The following PEX14 variants were observed in gnomAD, a reference collection of about 807,000 sequenced individuals.
PEX14 encodes peroxisomal biogenesis factor 14.
Under a neutral mutation model 49.5 loss-of-function variants are expected in PEX14, and 15 were observed. That is an observed-to-expected ratio of 0.30 (90% CI 0.20 to 0.47). The LOEUF is 0.47. PEX14 is among the 20% of genes least tolerant of loss of function. PEX14 has a pLI of 1.00. For synonymous variants in PEX14, 210 were observed against 212.7 expected (o/e 0.99, Z 0.11); for missense variants, 398 against 494.8 (o/e 0.80, Z 1.86).
intron 1 of PEX14, among the ~76,000 whole-genome samples, chr1:10,482,744 C>T (rs1375421064): frequency 6.6e-6 from 1 of 152,154 alleles, no homozygotes; most frequent in African/African-American, 2.4e-5. Context: ...AGCCATTCTA[C>T]TTTTAATGGA....
rs1415903462 is a variant in PEX14, at chr1:10,500,076, ATT to A, written c.84+4758_84+4759del. ...CCAGAGGCTGGTAATCAGAAGGCGT[ATT>A]TTGATGGATTCAGGGAGCCAGTACT... On this transcript the variant is annotated intron_variant, in intron 2 of 8. Transcript: ENST00000356607. 2.6e-5 allele frequency among the ~76,000 whole-genome samples: 4 copies of A among 151,976 alleles called. No individual in the cohort carries two copies. In the East Asian group the frequency reaches 7.8e-4, roughly 29 times the overall value.
At chr1:10,619,870 C>G (rs1487191880) in intron 5 of PEX14, among the ~76,000 whole-genome samples, 2 of 152,120 alleles carry the variant, frequency 1.3e-5, no homozygotes, top group Non-Finnish European at 2.9e-5. Context: ...CTTTGGGAGG[C>G]TGAGGCTGAG....
rs1163776036 is a variant in PEX14, at chr1:10,577,595, T to A, written c.170-21643T>A. On this transcript the variant is annotated intron_variant, in intron 3 of 8. Transcript: ENST00000356607. ...TTTTTTTTTTTTTTTTTTTTTTTTTTTTTTTTTTTTTTTTTGGACAGAGTC... is the reference window on the plus strand; with the variant it reads ...TTTTTTTTTTTTTTTTTTTTTTTTTATTTTTTTTTTTTTTTGGACAGAGTC... Among the ~76,000 whole-genome samples the A allele has an allele frequency of 5.1e-5, 2 of 39,318 alleles. 1 individual carries two copies. The highest frequency in any genetic ancestry group is 2.2e-4 in the African/African-American group (2 of 9,118). The allele number at this position is 39,318 out of a possible 152,430, so 25.8% of individuals were successfully genotyped here. A position where few individuals can be genotyped will look rare whatever the true frequency, so the allele number is the denominator to read the frequency against.
At chr1:10,584,143 T>G (rs901794448) in intron 3 of PEX14, among the ~76,000 whole-genome samples, 7 of 152,218 alleles carry the variant, frequency 4.6e-5, no homozygotes, top group African/African-American at 7.2e-5. Flanking sequence ...TCCAATAGAA[T>G]AGCCTGATTT....
intron 3 of PEX14, among the ~76,000 whole-genome samples, chr1:10,551,747 T>C (rs1343854177): frequency 2.6e-5 from 4 of 152,206 alleles, no homozygotes; most frequent in Non-Finnish European, 1.5e-5. Flanking sequence ...TCTACTTCCC[T>C]TCCAACCAGT....
chr1:10,487,038 C>T (rs1641381715), intron 1 of PEX14, among the ~76,000 whole-genome samples: 1 of 151,966 alleles, frequency 6.6e-6, no homozygotes, highest in Admixed American at 6.6e-5. Context: ...TTGTCAGGTG[C>T]TCTTTTTTGT....
chr1:10,495,459 G>T lies in PEX14; in HGVS notation c.84+138G>T, dbSNP rs1641542781. 1.4e-6 allele frequency: 1 copy of T among 729,406 alleles called. No homozygotes were observed. The highest frequency in any genetic ancestry group is 1.7e-5 in the African/African-American group (1 of 57,560). 45.2% of individuals were successfully genotyped at this position (729,406 alleles called of 1,614,324 possible). A position where few individuals can be genotyped will look rare whatever the true frequency, so the allele number is the denominator to read the frequency against. ...TGTTACCTAGAGACTGCCTCTGTCA[G>T]TGACCTCTGACTTCTCTTCTCGCGT... On this transcript the variant is annotated intron_variant, in intron 2 of 8. Transcript: ENST00000356607. The surrounding 1 kb of genome is among the most constrained non-coding windows in gnomAD (Gnocchi z 4.2).
intron 2 of PEX14, among the ~76,000 whole-genome samples, chr1:10,496,120 C>T (rs1459049914): frequency 7.9e-5 from 12 of 152,280 alleles, no homozygotes; most frequent in Admixed American, 6.5e-5. Context: ...CTGGCAGTCG[C>T]GGGAGGAGAT....
chr1:10,597,527 C>A lies in PEX14; in HGVS notation c.170-1711C>A, dbSNP rs1640862931. Reference sequence around the variant, plus strand: ...AAGGTGAAATTATGGGTAAAGCAGTCCCTTTGCAGCAAGCACCCCCTCTCT... The same window carrying A: ...AAGGTGAAATTATGGGTAAAGCAGTACCTTTGCAGCAAGCACCCCCTCTCT... On this transcript the variant is annotated intron_variant, in intron 3 of 8. Transcript: ENST00000356607. The surrounding 1 kb of genome is among the most constrained non-coding windows in gnomAD (Gnocchi z 5.7). Among the ~76,000 whole-genome samples, 1 of 152,172 alleles carries A rather than the reference C, an allele frequency of 6.6e-6. No individual in the cohort carries two copies. Among genetic ancestry groups the A allele is most frequent in the Non-Finnish European group, 1.5e-5 (1 of 68,042 alleles).
Position 10,514,196 on chromosome 1 carries a change from G to A in PEX14, c.84+18875G>A, listed in dbSNP as rs1053384619. Among the ~76,000 whole-genome samples the A allele has an allele frequency of 7.3e-5, 11 of 149,792 alleles. No homozygotes were observed. The highest frequency in any genetic ancestry group is 2.8e-4 in the African/African-American group (11 of 39,808). Reference sequence around the variant, plus strand: ...TGTGTGTGTGTGTGTGTGTGTGTGTGTGTATGGTGTTAGAAACGGCAGAGT... The same window carrying A: ...TGTGTGTGTGTGTGTGTGTGTGTGTATGTATGGTGTTAGAAACGGCAGAGT... On this transcript the variant is annotated intron_variant, in intron 2 of 8. Coordinates refer to ENST00000356607, the MANE Select transcript of PEX14 (RefSeq NM_004565.3). This position sits in a 1 kb window ranked among gnomAD's most constrained non-coding sequence, Gnocchi z 4.4.
chr1:10,547,444 A>C (rs778909140), intron 3 of PEX14, among the ~76,000 whole-genome samples: 4 of 152,106 alleles, frequency 2.6e-5, no homozygotes, highest in Non-Finnish European at 4.4e-5. Context: ...ATATGGCGCA[A>C]ATTATGGGTG....
chr1:10,629,858 C>T lies in PEX14; in HGVS notation c.1005C>T (p.Ser335=), dbSNP rs1446837471. The T allele has an allele frequency of 1.2e-6, 2 of 1,610,468 alleles. No individual in the cohort carries two copies. The highest frequency in any genetic ancestry group is 1.3e-5 in the African/African-American group (1 of 74,732). ...DEEDEEDDDV[S]HVDEEDCLGV... ...AGGATGAGGAGGATGATGATGTGAG[C>T]CATGTGGACGAGGAGGACTGCCTGG... The change falls in exon 9 of 9, where the codon AGC becomes AGT. Residue 335 remains serine, a synonymous_variant. Coordinates refer to ENST00000356607, the MANE Select transcript of PEX14 (RefSeq NM_004565.3). This position sits in a 1 kb window ranked among gnomAD's most constrained non-coding sequence, Gnocchi z 8.5.
chr1:10,541,793 A>G (rs1188444745), intron 3 of PEX14, among the ~76,000 whole-genome samples: 1 of 152,178 alleles, frequency 6.6e-6, no homozygotes, highest in Non-Finnish European at 1.5e-5. Context: ...TACGGCAGCT[A>G]GGCCAGCCGA....
At chr1:10,617,864 T>TC (rs1335702294) in intron 4 of PEX14, among the ~76,000 whole-genome samples, 2 of 151,304 alleles carry the variant, frequency 1.3e-5, no homozygotes, top group African/African-American at 2.4e-5. Flanking sequence ...CGTACCACGG[T>TC]CCCCCTCTCC....
intron 3 of PEX14, among the ~76,000 whole-genome samples, chr1:10,576,797 G>A (rs1033877466): frequency 4.1e-5 from 6 of 146,302 alleles, no homozygotes; most frequent in Non-Finnish European, 8.9e-5. Context: ...TGCTCGTATC[G>A]CCCAAGCTGG....
rs1252150745 is a variant in PEX14 at position 10,563,125 on chromosome 1, T to C, written c.169+26828T>C. Among the ~76,000 whole-genome samples, 5 of 142,180 alleles carry C rather than the reference T, an allele frequency of 3.5e-5. No homozygotes were observed. In the East Asian group the frequency reaches 8.7e-4, roughly 25 times the overall value. 93.3% of individuals were successfully genotyped at this position (142,180 alleles called of 152,430 possible). On this transcript the variant is annotated intron_variant, in intron 3 of 8. Coordinates refer to ENST00000356607, the MANE Select transcript of PEX14 (RefSeq NM_004565.3). Reference sequence around the variant, plus strand: ...TAGAGGCGGGGTTTCACCATGTTGGTCAGGCTGGTCTCGAACTCCTGACCT... The same window carrying C: ...TAGAGGCGGGGTTTCACCATGTTGGCCAGGCTGGTCTCGAACTCCTGACCT...
At chr1:10,626,393 G>T (rs550428730) in intron 7 of PEX14, among the ~76,000 whole-genome samples, 129 of 152,310 alleles carry the variant, frequency 8.5e-4, no homozygotes, top group African/African-American at 2.9e-3. Context: ...TGGGTGACAC[G>T]CACTCACTCT....
intron 2 of PEX14, among the ~76,000 whole-genome samples, chr1:10,507,457 C>T (rs1018028062): frequency 6.6e-6 from 1 of 152,202 alleles, no homozygotes; most frequent in Non-Finnish European, 1.5e-5. Context: ...TGAAAAGGCG[C>T]CTATTAATTT....
At chr1:10,544,283 A>G (rs759605169) in intron 3 of PEX14, among the ~76,000 whole-genome samples, 7 of 152,194 alleles carry the variant, frequency 4.6e-5, no homozygotes, top group Non-Finnish European at 1.0e-4. Flanking sequence ...CTCCCATTTT[A>G]CATAGATGAA....
Sources: allele counts gnomAD v4.1 joint callset (sites outside exome capture counted in the v4.1 genomes callset), GRCh38; gene constraint gnomAD v4.1.1; non-coding constraint Gnocchi (gnomAD v3.1); transcripts MANE v1.5; gene names NCBI Gene and HGNC (gene_info 2026-07-23, HGNC 2026-07-21).